RNF213: variants seen among roughly 807,000 people sequenced by gnomAD.
RNF213 encodes E3 ubiquitin-protein ligase RNF213.
A neutral mutation model predicts 514.4 loss-of-function variants in RNF213; 341 were observed. That is an observed-to-expected ratio of 0.66 (90% CI 0.61 to 0.73). The LOEUF is 0.73. Among genes scored for constraint, RNF213 ranks in the 30% least tolerant of loss-of-function variants. The pLI is 0.00. For missense variants in RNF213, 5,767 were observed against 6,615.6 expected, an observed-to-expected ratio of 0.87 and a Z score of 4.45; for synonymous variants, 2,655 against 2,658.2, an observed-to-expected ratio of 1.00 and a Z score of 0.04.
At position 80,373,262 on chromosome 17, in the gene RNF213, C is replaced by T. The variant is rs1382671995; in HGVS notation, c.12942+97C>T. ...CCCTACCCTCACACCCTACCCCCCC[C>T]ACACCCCACCCCCTCACACCTTCCC... On this transcript the variant is annotated intron_variant, in intron 49 of 67. Transcript: ENST00000582970. 489 of 761,146 alleles carry T rather than the reference C, an allele frequency of 6.4e-4. 4 individuals are homozygous for T. Among genetic ancestry groups the T allele is most frequent in the Middle Eastern group, 1.9e-3 (5 of 2,678 alleles). The allele number at this position is 761,146 out of a possible 1,614,324, so 47.1% of individuals were successfully genotyped here. A position where few individuals can be genotyped will look rare whatever the true frequency, so the allele number is the denominator to read the frequency against.
rs559740886 is a variant in RNF213, at chr17:80,393,608, T to G, written c.*110T>G. 5.6e-6 allele frequency: 7 copies of G among 1,247,770 alleles called. No individual in the cohort carries two copies. In the African/African-American group the frequency reaches 1.0e-4, roughly 19 times the overall value. The allele number at this position is 1,247,770 out of a possible 1,614,324, so 77.3% of individuals were successfully genotyped here. A position where few individuals can be genotyped will look rare whatever the true frequency, so the allele number is the denominator to read the frequency against. On this transcript the variant is annotated 3_prime_UTR_variant, in exon 68 of 68. Transcript: ENST00000582970. ...GTGCCTTTGCATTCAGAAGGAGAGC[T>G]GTCAGCGTAGCACCGAATTCAAGAC... is the stretch of plus-strand genomic sequence containing the variant.
chr17:80,305,335 C>T (rs1196708497), intron 11 of RNF213, among the ~76,000 whole-genome samples: 8 of 149,384 alleles, frequency 5.4e-5, no homozygotes, highest in South Asian at 2.1e-4. Flanking sequence ...TGCGCCACCA[C>T]GCCTGGCTAA....
chr17:80,386,901 A>C lies in RNF213; in HGVS notation c.14922+10A>C, dbSNP rs1174686436. 1 of 1,601,566 alleles carries C rather than the reference A, an allele frequency of 6.2e-7. No individual in the cohort carries two copies. ...CCGGCTGAGCCTCAAGGTAGGGCTGACTCCTGCCACTGCTGCTCATTTGGT... is the reference window on the plus strand; with the variant it reads ...CCGGCTGAGCCTCAAGGTAGGGCTGCCTCCTGCCACTGCTGCTCATTTGGT... On this transcript the variant is annotated intron_variant, in intron 63 of 67. Transcript: ENST00000582970.
intron 20 of RNF213, 22 bp downstream of exon 20, chr17:80,328,499 C>G (rs1258624468): frequency 2.0e-6 from 3 of 1,536,868 alleles, no homozygotes; most frequent in African/African-American, 2.7e-5. Context: ...GAGAAGTGAA[C>G]AAAGTTGAGG....
At chr17:80,376,783 A>G in intron 52 of RNF213, 99 bp from the exon 53 acceptor site, 2 of 1,185,552 alleles carry the variant, frequency 1.7e-6, no homozygotes, top group South Asian at 2.6e-5. Context: ...GCAGAAGGAA[A>G]GCAGAGTTCC....
At chr17:80,319,422 C>G in intron 17 of RNF213, 110 bp downstream of exon 17, 1 of 1,614,226 alleles carries the variant, frequency 6.2e-7, no homozygotes, top group Non-Finnish European at 8.5e-7. Context: ...TCCGCTAACT[C>G]AGAGATTGGG....
chr17:80,343,904 A>T lies in RNF213; in HGVS notation c.6231A>T (p.Gln2077His). The T allele has an allele frequency of 1.2e-6, 2 of 1,614,172 alleles. No homozygotes were observed. The highest frequency in any genetic ancestry group is 1.7e-6 in the Non-Finnish European group (2 of 1,180,030). Residue 2077 changes from glutamine (Q) to histidine (H), a missense_variant, in exon 28 of 68, where the codon CAA (glutamine) becomes CAT (histidine). By Grantham distance (24) the Gln-to-His change is conservative (BLOSUM62 0). Around this residue, in one of 13 missense-constraint regions of RNF213, gnomAD observed 1,377 missense variants for 1,635.2 expected, o/e 0.84. Transcript: ENST00000582970. The surrounding 1 kb of genome is among the most constrained non-coding windows in gnomAD (Gnocchi z 4.3). ...WVFLFKLLIL[Q>H]YLMDINGKMW... ...TTCTTTTCAAGCTCCTCATTTTACA[A>T]TACTTAATGGATATAAATGGGAAAA...
chr17:80,344,152 A>G (rs961093582), intron 28 of RNF213, 137 bp downstream of exon 28: 8 of 886,300 alleles, frequency 9.0e-6, no homozygotes, highest in Non-Finnish European at 1.4e-5. Context: ...AGTGTTAGTA[A>G]AGAAAAGCCC....
intron 35 of RNF213, 47 bp downstream of exon 35, chr17:80,354,213 TC>T (rs2078644560): frequency 6.3e-7 from 1 of 1,598,604 alleles, no homozygotes; most frequent in Non-Finnish European, 8.6e-7. Flanking sequence ...CGTGGGCTCT[TC>T]CTGAGGAGTG....
chr17:80,350,070 T>C (rs2078451363), intron 30 of RNF213, among the ~76,000 whole-genome samples, 164 bp downstream of exon 30: 1 of 152,180 alleles, frequency 6.6e-6, no homozygotes, highest in Admixed American at 6.5e-5. Flanking sequence ...CTCCATCATC[T>C]TCTGCAACGC....
intron 50 of RNF213, 50 bp from the exon 51 acceptor site, chr17:80,375,710 A>C: frequency 7.6e-7 from 1 of 1,316,156 alleles, no homozygotes; most frequent in Non-Finnish European, 1.1e-6. Flanking sequence ...CTCAAAAAAA[A>C]AAGATGTGTT....
At chr17:80,307,290 G>C in intron 13 of RNF213, 89 bp downstream of exon 13, 1 of 1,053,994 alleles carries the variant, frequency 9.5e-7, no homozygotes, top group Admixed American at 1.7e-5. Flanking sequence ...ACCCACATGT[G>C]CTGTTGTAAC....
At chr17:80,341,103 T>A (rs1408872512) in intron 26 of RNF213, 2 of 152,186 alleles carry the variant, frequency 1.3e-5, no homozygotes, top group Non-Finnish European at 2.9e-5. Context: ...GTGCCCGGCC[T>A]AATTTTTGTA....
rs184760829 is a variant in RNF213, at chr17:80,388,778, C to T, written c.15000+89C>T. On this transcript the variant is annotated intron_variant, in intron 64 of 67. Transcript: ENST00000582970. ...TGTTAGGCCTACTCCAGCCTTGCCC[C>T]GGGTGTTTGCTGTGAGCCCACAGTT... 7.8e-5 allele frequency: 82 copies of T among 1,050,720 alleles called. No homozygotes were observed. The East Asian group carries it at 1.8e-3, about 23-fold the overall frequency. 65.1% of individuals were successfully genotyped at this position (1,050,720 alleles called of 1,614,324 possible).
At position 80,373,037 on chromosome 17, in the gene RNF213, A is replaced by G. The variant is rs1725197099; in HGVS notation, c.12814A>G (p.Asn4272Asp). 9 of 1,613,924 alleles carry G rather than the reference A, an allele frequency of 5.6e-6. No homozygotes were observed. Among genetic ancestry groups the G allele is most frequent in the Non-Finnish European group, 6.8e-6 (8 of 1,179,992 alleles). The change falls in exon 49 of 68, where the codon AAC becomes GAC. Residue 4272 changes from asparagine (N) to aspartate (D), a missense_variant. Coordinates refer to ENST00000582970, the MANE Select transcript of RNF213 (RefSeq NM_001256071.3). ...CAAGCAGTTCTGTATCCGGGTGGAG[A>G]ACGACTGGCACCGGGTGTACCTGGT... is the stretch of plus-strand genomic sequence containing the variant. ...QVKQFCIRVE[N>D]DWHRVYLVRK...
intron 45 of RNF213, 45 bp downstream of exon 45, chr17:80,369,716 C>G (rs1224569556): frequency 1.2e-6 from 2 of 1,613,682 alleles, no homozygotes; most frequent in African/African-American, 2.7e-5. Context: ...ATTTCTTCAT[C>G]TCGCTTCTGC....
At chr17:80,277,571 C>T (rs1307657136) in intron 3 of RNF213, among the ~76,000 whole-genome samples, 1 of 142,434 alleles carries the variant, frequency 7.0e-6, no homozygotes, top group Admixed American at 7.4e-5. Flanking sequence ...GCACTCCAGC[C>T]TGGGCGACAG....
chr17:80,384,010 G>C (rs2080130063), intron 59 of RNF213, 82 bp downstream of exon 59: 1 of 1,533,022 alleles, frequency 6.5e-7, no homozygotes, highest in Non-Finnish European at 9.0e-7. Flanking sequence ...CTTTTACGTA[G>C]TATAATCATT....
intron 2 of RNF213, among the ~76,000 whole-genome samples, chr17:80,267,563 T>A (rs1452842209): frequency 2.0e-5 from 3 of 152,204 alleles, no homozygotes; most frequent in Non-Finnish European, 4.4e-5. Flanking sequence ...AACATTCCCT[T>A]AAACCACAGC....
Sources: gnomAD v4.1 joint callset for allele counts (sites outside exome capture counted in the v4.1 genomes callset) on GRCh38, gnomAD v4.1.1 for gene constraint, gnomAD v4.1.1 regional missense constraint, Gnocchi (gnomAD v3.1) non-coding constraint, MANE v1.5 for transcripts, NCBI Gene and HGNC (gene_info 2026-07-23, HGNC 2026-07-21) for gene names.